The following LIPG variants were observed in gnomAD, a reference collection of about 807,000 sequenced individuals.
LIPG encodes endothelial lipase.
LIPG carries 34 observed loss-of-function variants against 51.8 expected under a neutral mutation model. That is an observed-to-expected ratio of 0.66 (90% CI 0.50 to 0.87). The LOEUF is 0.87. Among genes scored for constraint, LIPG ranks in the 40% least tolerant of loss-of-function variants. LIPG has a pLI of 0.00. For missense variants in LIPG, 580 were observed against 652.7 expected (o/e 0.89, Z 1.21); for synonymous variants, 246 against 246.1 (o/e 1.00, Z 0.00).
Position 49,590,652 on chromosome 18 carries a change from A to G in LIPG, c.*130A>G. Reference sequence around the variant, plus strand: ...CAGCCTTGACCCTGGAGCACTGGGAACAACTGGTCTCCTGTGATGGCTGGG... The same window carrying G: ...CAGCCTTGACCCTGGAGCACTGGGAGCAACTGGTCTCCTGTGATGGCTGGG... On this transcript the variant is annotated 3_prime_UTR_variant, in exon 10 of 10. Coordinates refer to ENST00000261292, the MANE Select transcript of LIPG (RefSeq NM_006033.4). 1 of 948,116 alleles carries G rather than the reference A, an allele frequency of 1.1e-6. No individual in the cohort carries two copies. The highest frequency in any genetic ancestry group is 1.7e-6 in the Non-Finnish European group (1 of 602,802). 58.7% of individuals were successfully genotyped at this position (948,116 alleles called of 1,614,324 possible). A position where few individuals can be genotyped will look rare whatever the true frequency, so the allele number is the denominator to read the frequency against.
chr18:49,581,695 C>T (rs1287463337), intron 6 of LIPG, 38 bp downstream of exon 6: 2 of 1,606,012 alleles, frequency 1.2e-6, no homozygotes, highest in Admixed American at 1.7e-5. Flanking sequence ...GAGGAAGGCC[C>T]TTAATACCTC....
chr18:49,575,329 C>A lies in LIPG; in HGVS notation c.572-40C>A, dbSNP rs766999391. 38 of 1,568,714 alleles carry A rather than the reference C, an allele frequency of 2.4e-5. No homozygotes were observed. The East Asian group carries it at 8.1e-4, about 33-fold the overall frequency. The stretch of plus-strand genomic sequence containing the variant: ...AATCAGGACTCACTGACCAGGTGCA[C>A]CTGACACCACAGCTGTTTTGGGGCC... On this transcript the variant is annotated intron_variant, in intron 4 of 9. Transcript: ENST00000261292.
intron 6 of LIPG, chr18:49,581,995 CAT>C: frequency 1.7e-6 from 1 of 580,434 alleles, no homozygotes; most frequent in Non-Finnish European, 3.0e-6. Flanking sequence ...ACCAAAATGA[CAT>C]GTTACATTTT....
chr18:49,581,207 C>T (rs530866286), intron 5 of LIPG, among the ~76,000 whole-genome samples: 12 of 152,188 alleles, frequency 7.9e-5, no homozygotes, highest in East Asian at 7.7e-4. Context: ...CTGCTGTGAG[C>T]GGGGGGTCGT....
At chr18:49,578,170 C>T (rs1272939007) in intron 5 of LIPG, among the ~76,000 whole-genome samples, 1 of 148,202 alleles carries the variant, frequency 6.7e-6, no homozygotes. Flanking sequence ...GGCGGAGACG[C>T]TCCTCACCTC....
chr18:49,561,692 T>TC, upstream of LIPG: 1 of 1,243,860 alleles, frequency 8.0e-7, no homozygotes, highest in Non-Finnish European at 1.0e-6. Context: ...GAGGATGCTC[T>TC]CCTTCTCCAG....
Position 49,585,362 on chromosome 18 carries a change from C to T in LIPG, c.1377-1384C>T, listed in dbSNP as rs373016417. On this transcript the variant is annotated intron_variant, in intron 8 of 9. Coordinates refer to ENST00000261292, the MANE Select transcript of LIPG (RefSeq NM_006033.4). The stretch of plus-strand genomic sequence containing the variant: ...ACAGGTGTGAGCCACCATGCCCAGC[C>T]GCCTTAGTACTTCTGTCTGTGTACA... Among the ~76,000 whole-genome samples the T allele has an allele frequency of 1.4e-4, 22 of 152,334 alleles. No homozygotes were observed. The South Asian group carries it at 2.3e-3, about 16-fold the overall frequency.
At chr18:49,567,366 C>T (rs1003666543) in intron 2 of LIPG, 76 bp from the exon 3 acceptor site, 1 of 1,426,216 alleles carries the variant, frequency 7.0e-7, no homozygotes. Context: ...GGAAGAGGGT[C>T]ATATAGAAAG....
chr18:49,569,489 G>T lies in LIPG; in HGVS notation c.512G>T (p.Gly171Val). 1 of 1,614,216 alleles carries T rather than the reference G, an allele frequency of 6.2e-7. No homozygotes were observed. Among genetic ancestry groups the T allele is most frequent in the Non-Finnish European group, 8.5e-7 (1 of 1,180,038 alleles). The change falls in exon 4 of 10, where the codon GGA becomes GTA. Residue 171 changes from glycine (G) to valine (V), a missense_variant. By Grantham distance (109) the Gly-to-Val change is moderately radical (BLOSUM62 -3). Coordinates refer to ENST00000261292, the MANE Select transcript of LIPG (RefSeq NM_006033.4). ...GTCCACTTGATCGGCTACAGCCTCGGAGCGCACGTGGCCGGGTATGCAGGC... is the reference window on the plus strand; with the variant it reads ...GTCCACTTGATCGGCTACAGCCTCGTAGCGCACGTGGCCGGGTATGCAGGC... The part of the protein sequence containing the change: ...GNVHLIGYSL[G>V]AHVAGYAGNF...
At chr18:49,578,243 G>A (rs1295147765) in intron 5 of LIPG, among the ~76,000 whole-genome samples, 12 of 146,016 alleles carry the variant, frequency 8.2e-5, no homozygotes, top group Admixed American at 1.3e-4. Context: ...GCTGCCGGGC[G>A]GAGGGGCTCC....
chr18:49,589,914 T>A (rs972825681), intron 9 of LIPG: 3 of 160,500 alleles, frequency 1.9e-5, no homozygotes, highest in African/African-American at 7.2e-5. Flanking sequence ...AAGTAATAAA[T>A]GAACACTAGG....
rs111342147 is a variant in LIPG, at chr18:49,579,742, T to TG, written c.794-1673_794-1672insG. ...TCCTCAGAATATAGGATGATGGCCTTTCTTTCCTTTCCTTTCCTTTCCTTT... is the reference window on the plus strand; with the variant it reads ...TCCTCAGAATATAGGATGATGGCCTTGTCTTTCCTTTCCTTTCCTTTCCTTT... On this transcript the variant is annotated intron_variant, in intron 5 of 9. Transcript: ENST00000261292. 3.0e-4 allele frequency among the ~76,000 whole-genome samples: 42 copies of TG among 138,778 alleles called. 1 individual carries two copies. The highest frequency in any genetic ancestry group is 1.0e-3 in the African/African-American group (33 of 32,110). The allele number at this position is 138,778 out of a possible 152,430, so 91.0% of individuals were successfully genotyped here. A position where few individuals can be genotyped will look rare whatever the true frequency, so the allele number is the denominator to read the frequency against.
chr18:49,577,619 C>CCCG (rs1392102965), intron 5 of LIPG, among the ~76,000 whole-genome samples: 3 of 144,282 alleles, frequency 2.1e-5, no homozygotes, highest in Non-Finnish European at 3.0e-5. Flanking sequence ...CCTCACCTCC[C>CCCG]GGACGGGGCG....
In LIPG at chr18:49,575,422, T is replaced by A. The variant is rs1339786440; in HGVS notation, c.625T>A (p.Ser209Thr). The A allele has an allele frequency of 1.2e-6, 2 of 1,613,900 alleles. No homozygotes were observed. The highest frequency in any genetic ancestry group is 2.7e-5 in the African/African-American group (2 of 74,932). Residue 209 changes from serine to threonine, a missense_variant, in exon 5 of 10, where the codon TCT becomes ACT. Physicochemically the swap from Ser to Thr is moderately conservative, Grantham distance 58. Coordinates refer to ENST00000261292, the MANE Select transcript of LIPG (RefSeq NM_006033.4). ...AGGGGCCGACATCCACAAGAGGCTCTCTCCGGACGATGCAGATTTTGTGGA... is the reference window on the plus strand; with the variant it reads ...AGGGGCCGACATCCACAAGAGGCTCACTCCGGACGATGCAGATTTTGTGGA... The part of the protein sequence containing the change: ...FEGADIHKRL[S>T]PDDADFVDVL...
At chr18:49,576,441 A>G (rs1217404431) in intron 5 of LIPG, among the ~76,000 whole-genome samples, 1 of 126,960 alleles carries the variant, frequency 7.9e-6, no homozygotes, top group Non-Finnish European at 1.7e-5. Flanking sequence ...TTCTTTTTTT[A>G]AAAGACAGAA....
intron 2 of LIPG, among the ~76,000 whole-genome samples, chr18:49,566,855 G>A (rs955290519): frequency 6.6e-5 from 10 of 152,166 alleles, no homozygotes; most frequent in South Asian, 2.1e-4. Flanking sequence ...CCCTTAACAC[G>A]TATCTCATAG....
At chr18:49,587,438 G>T (rs992055237) in intron 9 of LIPG, among the ~76,000 whole-genome samples, 1 of 151,664 alleles carries the variant, frequency 6.6e-6, no homozygotes, top group Non-Finnish European at 1.5e-5. Flanking sequence ...GCATGGTGAC[G>T]GGTGCCTGTA....
chr18:49,577,839 G>A (rs1463778751), intron 5 of LIPG, among the ~76,000 whole-genome samples: 2 of 117,070 alleles, frequency 1.7e-5, no homozygotes, highest in African/African-American at 3.7e-5. Context: ...TGGCCGGGTG[G>A]GGGGGCTGAC....
chr18:49,564,863 G>C (rs2084585853), intron 1 of LIPG, among the ~76,000 whole-genome samples: 1 of 152,170 alleles, frequency 6.6e-6, no homozygotes, highest in South Asian at 2.1e-4. Flanking sequence ...TTGATCCAGG[G>C]GGAATAGCCC....
Sources: allele counts gnomAD v4.1 joint callset (sites outside exome capture counted in the v4.1 genomes callset), GRCh38; gene constraint gnomAD v4.1.1; transcripts MANE v1.5; gene names NCBI Gene and HGNC (gene_info 2026-07-23, HGNC 2026-07-21).